The following KNTC1 variants were observed in gnomAD, a reference collection of about 807,000 sequenced individuals.
The protein encoded by KNTC1 is kinetochore-associated protein 1.
In KNTC1, 253 loss-of-function variants were observed where a neutral mutation model predicts 314.4. The ratio of observed to expected loss-of-function variants is 0.80; its 90% CI spans 0.73 to 0.89. The LOEUF (loss-of-function observed/expected upper bound fraction) is 0.89, where lower values mean the gene tolerates loss of function less well. KNTC1 is among the 40% of genes least tolerant of loss of function. The probability of loss-of-function intolerance (pLI) is 0.00; values close to 1 mark genes in which losing one functional copy is unlikely to be tolerated. For missense variants in KNTC1, 2,475 were observed against 2,572.9 expected, an observed-to-expected ratio of 0.96 and a Z score of 0.82; for synonymous variants, 901 against 901.4, an observed-to-expected ratio of 1.00 and a Z score of 0.01.
At position 122,605,297 on chromosome 12, in the gene KNTC1, A is replaced by G. The variant is rs370115959; in HGVS notation, c.5387-9A>G. On this transcript the variant is annotated splice_polypyrimidine_tract_variant and intron_variant, in intron 50 of 63. Coordinates refer to ENST00000333479, the MANE Select transcript of KNTC1 (RefSeq NM_014708.6). ...TGAGTTTTTCTTTTCTTTATTTTGA[A>G]TATCTTAGATATTCATGCAGCAGCT... is the stretch of plus-strand genomic sequence containing the variant. 2.0e-6 allele frequency: 3 copies of G among 1,520,378 alleles called. No individual in the cohort carries two copies. Among genetic ancestry groups the G allele is most frequent in the African/African-American group, 2.8e-5 (2 of 71,656 alleles). The allele number at this position is 1,520,378 out of a possible 1,614,324, so 94.2% of individuals were successfully genotyped here. A position where few individuals can be genotyped will look rare whatever the true frequency, so the allele number is the denominator to read the frequency against.
At chr12:122,538,996 G>A (rs1382768389) in intron 4 of KNTC1, among the ~76,000 whole-genome samples, 1 of 152,236 alleles carries the variant, frequency 6.6e-6, no homozygotes, top group Admixed American at 6.5e-5. Flanking sequence ...TCAGCTGGCT[G>A]GATCTGGTCA....
chr12:122,610,552 T>G (rs1873006024), intron 52 of KNTC1, among the ~76,000 whole-genome samples: 1 of 152,234 alleles, frequency 6.6e-6, no homozygotes, highest in Non-Finnish European at 1.5e-5. Flanking sequence ...AAATAAAATT[T>G]AAGGGATCAG....
chr12:122,618,260 C>T (rs1201460842), intron 57 of KNTC1, 83 bp from the exon 58 acceptor site: 4 of 1,219,284 alleles, frequency 3.3e-6, no homozygotes, highest in Admixed American at 1.9e-5. Flanking sequence ...GTGTGAGCCA[C>T]CGCGCCTGGC....
intron 3 of KNTC1, 117 bp downstream of exon 3, chr12:122,534,901 A>ATTTCAAATTAGACCT (rs1961663885): frequency 1.0e-6 from 1 of 971,852 alleles, no homozygotes; most frequent in African/African-American, 1.6e-5. Context: ...AAATTAGACC[A>ATTTCAAATTAGACCT]ATTTCAAGTA....
chr12:122,585,211 A>T lies in KNTC1; in HGVS notation c.3534+221A>T, dbSNP rs554343172. Among the ~76,000 whole-genome samples the T allele has an allele frequency of 1.7e-3, 256 of 151,612 alleles. 2 individuals carry two copies. In the Middle Eastern group the frequency reaches 0.034, roughly 20 times the overall value. On this transcript the variant is annotated intron_variant, in intron 36 of 63. Coordinates refer to ENST00000333479, the MANE Select transcript of KNTC1 (RefSeq NM_014708.6). ...CACCACATCTGACTAATTAAAAAAA[A>T]ATTTTTTTTTTGCAGAGACAGGGTC...
intron 5 of KNTC1, among the ~76,000 whole-genome samples, chr12:122,541,005 C>T (rs1038297912): frequency 1.6e-4 from 25 of 151,810 alleles, no homozygotes; most frequent in African/African-American, 6.1e-4. Context: ...ACCGCCACCT[C>T]TACAAAAAAT....
Position 122,574,332 on chromosome 12 carries a change from A to G in KNTC1, c.2334A>G (p.Ala778=), listed in dbSNP as rs1173235423. The G allele has an allele frequency of 3.7e-6, 6 of 1,612,556 alleles. No individual in the cohort carries two copies. In the African/African-American group the frequency reaches 8.0e-5, roughly 22 times the overall value. The stretch of plus-strand genomic sequence containing the variant: ...AGTCCACATCACTCTTTGAAACAGC[A>G]TGGGAAGCAAAGGCCATGGCAGTAA... The part of the protein sequence containing the change: ...SSKSTSLFET[A]WEAKAMAVIA... Residue 778 remains alanine (A), a synonymous_variant, in exon 27 of 64, where the codon GCA becomes GCG. Transcript: ENST00000333479.
At chr12:122,585,906 C>A (rs1869219915) in intron 37 of KNTC1, 132 bp downstream of exon 37, 1 of 775,074 alleles carries the variant, frequency 1.3e-6, no homozygotes. Flanking sequence ...GCTAAAGAAG[C>A]AGATACAAAA....
chr12:122,580,655 G>A lies in KNTC1; in HGVS notation c.2967G>A (p.Glu989=). Residue 989 remains glutamate (E), a synonymous_variant, in exon 33 of 64, where the codon GAG becomes GAA. Coordinates refer to ENST00000333479, the MANE Select transcript of KNTC1 (RefSeq NM_014708.6). ...AAGAAATGTTGAAACTATTTAAAGAGGTTGCTAGCTTACAGGTAAACATAT... is the reference window on the plus strand; with the variant it reads ...AAGAAATGTTGAAACTATTTAAAGAAGTTGCTAGCTTACAGGTAAACATAT... ...ECEEMLKLFK[E]VASLQENFEV... is the part of the protein sequence containing the mutation. 2 of 1,566,660 alleles carry A rather than the reference G, an allele frequency of 1.3e-6. No individual in the cohort carries two copies.
Position 122,556,484 on chromosome 12 carries a change from C to CTTT in KNTC1, c.1273-883_1273-881dup, listed in dbSNP as rs371272876. Among the ~76,000 whole-genome samples the CTTT allele has an allele frequency of 4.9e-4, 55 of 112,792 alleles. 1 individual carries two copies. The highest frequency in any genetic ancestry group is 2.3e-3 in the South Asian group (8 of 3,408). 74.0% of individuals were successfully genotyped at this position (112,792 alleles called of 152,430 possible). On this transcript the variant is annotated intron_variant, in intron 16 of 63. Transcript: ENST00000333479. ...CTAGTTGTCACCATTCTACTCTCTACTTTTTTTTTTTTTTTTTTTGAGATG... is the reference window on the plus strand; with the variant it reads ...CTAGTTGTCACCATTCTACTCTCTACTTTTTTTTTTTTTTTTTTTTTTGAGATG...
intron 54 of KNTC1, 83 bp from the exon 55 acceptor site, chr12:122,613,543 C>G (rs1373864531): frequency 7.5e-7 from 1 of 1,324,626 alleles, no homozygotes; most frequent in Non-Finnish European, 1.0e-6. Flanking sequence ...ACAAACTGGC[C>G]TAATATTTCC....
intron 11 of KNTC1, 80 bp from the exon 12 acceptor site, chr12:122,547,835 T>G: frequency 1.2e-6 from 1 of 830,908 alleles, no homozygotes; most frequent in Non-Finnish European, 1.8e-6. Flanking sequence ...AAGCCTACTT[T>G]TTTAATCAAT....
chr12:122,562,561 G>A, intron 19 of KNTC1, 77 bp from the exon 20 acceptor site: 1 of 902,974 alleles, frequency 1.1e-6, no homozygotes, highest in Non-Finnish European at 1.8e-6. Context: ...CATGTGAAAT[G>A]TAATGATTCA....
Position 122,576,938 on chromosome 12 carries a change from T to C in KNTC1, c.2630T>C (p.Leu877Ser). 1 of 1,595,674 alleles carries C rather than the reference T, an allele frequency of 6.3e-7. No individual in the cohort carries two copies. The highest frequency in any genetic ancestry group is 1.1e-5 in the South Asian group (1 of 88,436). ...CTCAAACAAGATGTCCCATCTTCTT[T>C]AGAAGATGCTTTAAAGGTAGCCCAA... ...YILKQDVPSSLEDALKVAQAF... is the reference protein window; with the variant it reads ...YILKQDVPSSSEDALKVAQAF... The change falls in exon 30 of 64, where the codon TTA (leucine) becomes TCA (serine). Residue 877 changes from leucine to serine, a missense_variant. Transcript: ENST00000333479.
At chr12:122,543,060 G>A (rs1042198798) in intron 6 of KNTC1, among the ~76,000 whole-genome samples, 5 of 151,892 alleles carry the variant, frequency 3.3e-5, no homozygotes, top group East Asian at 1.9e-4. Flanking sequence ...TTACAGGTGC[G>A]CACCACCACA....
chr12:122,620,419 A>G, intron 59 of KNTC1, 60 bp from the exon 60 acceptor site: 1 of 1,508,630 alleles, frequency 6.6e-7, no homozygotes, highest in African/African-American at 1.4e-5. Flanking sequence ...AAAGCTAGAA[A>G]GGCCAATATA....
At chr12:122,604,168 CTT>C (rs1163057379) in intron 48 of KNTC1, among the ~76,000 whole-genome samples, 2,474 of 100,350 alleles carry the variant, frequency 0.025, 79 homozygotes, top group African/African-American at 0.086. Flanking sequence ...CCCCGGTGGG[CTT>C]TTTTTTTTTT....
chr12:122,563,109 G>A (rs1238218481), intron 20 of KNTC1, among the ~76,000 whole-genome samples: 1 of 152,024 alleles, frequency 6.6e-6, no homozygotes, highest in South Asian at 2.1e-4. Flanking sequence ...GTTTCTATGA[G>A]GGGTGTTGAG....
chr12:122,545,430 AAAAG>A (rs1314141131), intron 8 of KNTC1, among the ~76,000 whole-genome samples: 2 of 149,868 alleles, frequency 1.3e-5, no homozygotes, highest in African/African-American at 5.1e-5. Context: ...GAAGAAACAA[AAAAG>A]AGAGAAAAGA....
Sources: gnomAD v4.1 joint callset for allele counts (sites outside exome capture counted in the v4.1 genomes callset) on GRCh38, gnomAD v4.1.1 for gene constraint, MANE v1.5 for transcripts, NCBI Gene and HGNC (gene_info 2026-07-23, HGNC 2026-07-21) for gene names.